The following DCC variants were observed in gnomAD, a reference collection of about 807,000 sequenced individuals.
DCC encodes DCC netrin 1 receptor, also known as netrin receptor DCC.
Under a neutral mutation model 172.5 loss-of-function variants are expected in DCC, and 58 were observed. The observed-to-expected ratio is 0.34, with a 90% CI of 0.27 to 0.42. The LOEUF (loss-of-function observed/expected upper bound fraction) is 0.42. DCC is among the 10% of genes least tolerant of loss of function. DCC has a pLI of 1.00. For synonymous variants in DCC, 709 were observed against 644.5 expected (o/e 1.10, Z -1.52); for missense variants, 1,740 against 1,791.0 (o/e 0.97, Z 0.51).
intron 5 of DCC, among the ~76,000 whole-genome samples, chr18:52,954,955 A>G (rs1568209325): frequency 6.6e-6 from 1 of 152,184 alleles, no homozygotes; most frequent in Non-Finnish European, 1.5e-5. Flanking sequence ...CGGAGTTCTC[A>G]TAACATTCCC....
At chr18:52,913,461 C>T (rs1030784834) in intron 3 of DCC, among the ~76,000 whole-genome samples, 1 of 152,004 alleles carries the variant, frequency 6.6e-6, no homozygotes, top group Non-Finnish European at 1.5e-5. Context: ...GTCTATCATT[C>T]TAAAATTAGT....
chr18:53,205,308 G>T lies in DCC; in HGVS notation c.1666G>T (p.Gly556Cys). 1 of 1,613,832 alleles carries T rather than the reference G, an allele frequency of 6.2e-7. No homozygotes were observed. Among genetic ancestry groups the T allele is most frequent in the Non-Finnish European group, 8.5e-7 (1 of 1,179,860 alleles). Reference sequence around the variant, plus strand: ...CTGGGAACCCCCTGCCTATGCAAACGGTCCAGTCCAAGGTTACAGATTGTT... The same window carrying T: ...CTGGGAACCCCCTGCCTATGCAAACTGTCCAGTCCAAGGTTACAGATTGTT... Reference protein sequence around the residue: ...ITWEPPAYANGPVQGYRLFCT... With the variant: ...ITWEPPAYANCPVQGYRLFCT... The change falls in exon 10 of 29, where the codon GGT becomes TGT. Residue 556 changes from glycine to cysteine, a missense_variant. Gly to Cys is a radical substitution (Grantham distance 159). Coordinates refer to ENST00000442544, the MANE Select transcript of DCC (RefSeq NM_005215.4).
chr18:53,043,032 G>A (rs973966046), intron 5 of DCC, among the ~76,000 whole-genome samples: 1 of 151,906 alleles, frequency 6.6e-6, no homozygotes, highest in Admixed American at 6.6e-5. Flanking sequence ...GTTTATTGCA[G>A]CAGTATTCAC....
Position 53,242,871 on chromosome 18 carries a change from G to GGTGTGT in DCC, c.1911+27301_1911+27306dup, listed in dbSNP as rs3059140. Among the ~76,000 whole-genome samples the GGTGTGT allele has an allele frequency of 3.6e-3, 529 of 148,522 alleles. 3 individuals are homozygous for GGTGTGT. The highest frequency in any genetic ancestry group is 0.011 in the African/African-American group (461 of 40,678). ...GTGTCCAGACCTATGATGACAAGTA[G>GGTGTGT]GTGTGTGTGTGTGTGTGTGTGTGTG... On this transcript the variant is annotated intron_variant, in intron 12 of 28. Transcript: ENST00000442544.
intron 1 of DCC, among the ~76,000 whole-genome samples, chr18:52,722,683 A>G (rs34010072): frequency 0.16 from 24,426 of 152,080 alleles, 2,118 homozygotes; most frequent in South Asian, 0.25. Context: ...CTTCTTTTTG[A>G]GGAACTCTCA....
At chr18:53,070,437 A>C (rs112876102) in intron 7 of DCC, among the ~76,000 whole-genome samples, 2,646 of 152,254 alleles carry the variant, frequency 0.017, 70 homozygotes, top group African/African-American at 0.06. Flanking sequence ...ATTTCCTTCT[A>C]ATTTCCAATA....
At position 52,815,071 on chromosome 18, in the gene DCC, G is replaced by C. The variant is rs940535436; in HGVS notation, c.412+62697G>C. On this transcript the variant is annotated intron_variant, in intron 2 of 28. Coordinates refer to ENST00000442544, the MANE Select transcript of DCC (RefSeq NM_005215.4). ...TAGGGACATCAAACGGGGTGGGCTG[G>C]GGGTATCTATTGTAGGCCAAATATA... 5.3e-5 allele frequency among the ~76,000 whole-genome samples: 8 copies of C among 152,216 alleles called. No homozygotes were observed. In the South Asian group the frequency reaches 1.7e-3, roughly 32 times the overall value.
chr18:52,620,916 C>T (rs895806864), intron 1 of DCC, among the ~76,000 whole-genome samples: 1 of 152,166 alleles, frequency 6.6e-6, no homozygotes, highest in Non-Finnish European at 1.5e-5. Context: ...TTTTAAATTT[C>T]AAGGTAACAT....
intron 5 of DCC, among the ~76,000 whole-genome samples, chr18:52,950,857 G>A (rs748539928): frequency 2.1e-4 from 30 of 142,872 alleles, no homozygotes; most frequent in Admixed American, 6.7e-4. Context: ...CCCGGGAGGC[G>A]GAGCTTGCAG....
At chr18:52,390,901 C>T (rs965218356) in intron 1 of DCC, among the ~76,000 whole-genome samples, 2 of 152,058 alleles carry the variant, frequency 1.3e-5, no homozygotes, top group Non-Finnish European at 2.9e-5. Flanking sequence ...AGTGTATTAG[C>T]ACTTGGAGTT....
rs1292220874 is a variant in DCC at position 53,339,945 on chromosome 18, A to G, written c.2359+38A>G. On this transcript the variant is annotated intron_variant, in intron 15 of 28. Coordinates refer to ENST00000442544, the MANE Select transcript of DCC (RefSeq NM_005215.4). Reference sequence around the variant, plus strand: ...GATTTTTTTTATTCTATTAAGGGGAATTAATGATTTATTTTGAATTATTGT... The same window carrying G: ...GATTTTTTTTATTCTATTAAGGGGAGTTAATGATTTATTTTGAATTATTGT... 5 of 1,550,992 alleles carry G rather than the reference A, an allele frequency of 3.2e-6. No homozygotes were observed. In the African/African-American group the frequency reaches 5.5e-5, roughly 17 times the overall value.
At chr18:53,014,950 T>G (rs780706078) in intron 5 of DCC, among the ~76,000 whole-genome samples, 2 of 152,192 alleles carry the variant, frequency 1.3e-5, no homozygotes, top group Non-Finnish European at 2.9e-5. Flanking sequence ...CCTTTATGTA[T>G]CTTATTTAAT....
chr18:52,364,306 A>T (rs1265084123), intron 1 of DCC, among the ~76,000 whole-genome samples: 1 of 152,228 alleles, frequency 6.6e-6, no homozygotes, highest in Non-Finnish European at 1.5e-5. Context: ...ACCAAAGAAA[A>T]TATGTTCAAT....
At chr18:52,966,457 T>C (rs555082466) in intron 5 of DCC, among the ~76,000 whole-genome samples, 7 of 152,264 alleles carry the variant, frequency 4.6e-5, no homozygotes, top group African/African-American at 1.4e-4. Context: ...ACTTTGTCCA[T>C]CTCTGCTGTG....
chr18:52,610,168 AAAAAAAAAAAATATATATATATAT>A lies in DCC; in HGVS notation c.92-141884_92-141861del, dbSNP rs1427589319. On this transcript the variant is annotated intron_variant, in intron 1 of 28. Transcript: ENST00000442544. ...ATCTCTCATAAAAAAAAAAAAAAAAAAAAAAAAAAAATATATATATATATATATATATATATATATATATATATA... is the reference window on the plus strand; with the variant it reads ...ATCTCTCATAAAAAAAAAAAAAAAAAATATATATATATATATATATATATA... Among the ~76,000 whole-genome samples, 26 of 23,050 alleles carry A rather than the reference AAAAAAAAAAAATATATATATATAT, an allele frequency of 1.1e-3. No individual in the cohort carries two copies. In the East Asian group the frequency reaches 0.012, roughly 10 times the overall value. The allele number at this position is 23,050 out of a possible 152,430, so 15.1% of individuals were successfully genotyped here. A position where few individuals can be genotyped will look rare whatever the true frequency, so the allele number is the denominator to read the frequency against.
intron 2 of DCC, among the ~76,000 whole-genome samples, chr18:52,762,261 C>T (rs781777821): frequency 2.3e-4 from 35 of 151,174 alleles, no homozygotes; most frequent in Non-Finnish European, 4.9e-4. Flanking sequence ...TTGCTTGAGC[C>T]CAGGAATTCA....
intron 1 of DCC, among the ~76,000 whole-genome samples, chr18:52,393,995 G>C (rs1182916232): frequency 6.6e-6 from 1 of 151,930 alleles, no homozygotes; most frequent in Admixed American, 6.6e-5. Flanking sequence ...TAGTTGATTT[G>C]TACCACACAG....
chr18:52,655,989 T>TAA (rs1175354916), intron 1 of DCC, among the ~76,000 whole-genome samples: 16 of 109,048 alleles, frequency 1.5e-4, no homozygotes, highest in Non-Finnish European at 3.2e-4. Context: ...TGTGTGTGTA[T>TAA]ATATATATGT....
Position 53,275,261 on chromosome 18 carries a change from G to A in DCC, c.1912-30317G>A, listed in dbSNP as rs565237757. Reference sequence around the variant, plus strand: ...AGCCAACTGCTAGATTGAGCTTAAGGCTATTACTGCTTTGCAAGTACTAAG... The same window carrying A: ...AGCCAACTGCTAGATTGAGCTTAAGACTATTACTGCTTTGCAAGTACTAAG... On this transcript the variant is annotated intron_variant, in intron 12 of 28. Coordinates refer to ENST00000442544, the MANE Select transcript of DCC (RefSeq NM_005215.4). 9.9e-4 allele frequency among the ~76,000 whole-genome samples: 150 copies of A among 152,084 alleles called. 5 individuals are homozygous for A. In the South Asian group the frequency reaches 0.03, roughly 30 times the overall value.
Sources: allele counts gnomAD v4.1 joint callset (sites outside exome capture counted in the v4.1 genomes callset), GRCh38; gene constraint gnomAD v4.1.1; transcripts MANE v1.5; gene names NCBI Gene and HGNC (gene_info 2026-07-23, HGNC 2026-07-21).